Variants in SI observed in about 807,000 individuals in gnomAD.
The protein encoded by SI is sucrase-isomaltase, intestinal.
A neutral mutation model predicts 253.3 loss-of-function variants in SI; 235 were observed. The observed-to-expected ratio is 0.93, with a 90% confidence interval of 0.83 to 1.03. The LOEUF (loss-of-function observed/expected upper bound fraction) is 1.03. SI is among the 50% of genes least tolerant of loss of function. SI has a pLI of 0.00. For missense variants in SI, 2,442 were observed against 2,211.1 expected, an observed-to-expected ratio of 1.10 and a Z score of -2.09; for synonymous variants, 819 against 712.0, an observed-to-expected ratio of 1.15 and a Z score of -2.39.
chr3:165,040,733 T>C (rs1263109231), intron 18 of SI, among the ~76,000 whole-genome samples: 1 of 152,104 alleles, frequency 6.6e-6, no homozygotes, highest in African/African-American at 2.4e-5. Flanking sequence ...TTGTAAGTTC[T>C]ATTTAATTCT....
At chr3:165,000,331 T>C (rs1255543112) in intron 37 of SI, among the ~76,000 whole-genome samples, 5 of 150,294 alleles carry the variant, frequency 3.3e-5, no homozygotes, top group African/African-American at 1.2e-4. Flanking sequence ...CATAAAGTAG[T>C]TTCACACAAT....
intron 44 of SI, 95 bp downstream of exon 44, chr3:164,991,258 C>A (rs988697337): frequency 6.5e-6 from 9 of 1,391,506 alleles, no homozygotes; most frequent in Non-Finnish European, 9.2e-6. Flanking sequence ...ACTAGCTTGG[C>A]GATGGGTTAA....
At chr3:165,027,212 T>C (rs896329486) in intron 25 of SI, among the ~76,000 whole-genome samples, 77 of 151,258 alleles carry the variant, frequency 5.1e-4, no homozygotes, top group Non-Finnish European at 8.9e-4. Flanking sequence ...TTAGATGACC[T>C]AGAAGAGATG....
At chr3:165,080,849 T>G (rs182141557), upstream of SI, among the ~76,000 whole-genome samples, 1 of 152,052 alleles carries the variant, frequency 6.6e-6, no homozygotes, top group Non-Finnish European at 1.5e-5. Flanking sequence ...CATGTATCCA[T>G]ATGTAACAAA....
chr3:165,004,611 TA>T (rs895298186), intron 37 of SI, among the ~76,000 whole-genome samples: 1 of 151,946 alleles, frequency 6.6e-6, no homozygotes, highest in African/African-American at 2.4e-5. Context: ...TATGCAGCTA[TA>T]AAAAAGAATA....
intron 17 of SI, among the ~76,000 whole-genome samples, chr3:165,042,190 T>G (rs1386661040): frequency 6.6e-6 from 1 of 152,144 alleles, no homozygotes; most frequent in East Asian, 1.9e-4. Context: ...ATGTAATTTC[T>G]ATCAAAATCT....
rs1404585595 is a variant in SI at position 165,062,391 on chromosome 3, C to T, written c.1000G>A (p.Val334Ile). The T allele has an allele frequency of 4.4e-6, 7 of 1,578,408 alleles. No individual in the cohort carries two copies. The highest frequency in any genetic ancestry group is 5.2e-6 in the Non-Finnish European group (6 of 1,148,190). The change falls in exon 9 of 48, where the codon GTA becomes ATA. Residue 334 changes from valine (V) to isoleucine (I), a missense_variant. Coordinates refer to ENST00000264382, the MANE Select transcript of SI (RefSeq NM_001041.4). ...YILLGDTPEQ[V>I]VQQYQQLVGL... ...CACACCTGTTGATACTGTTGAACTA[C>T]TTGTTCTGGTGTATCTCCTAGAAGG...
rs200498454 is a variant in SI, at chr3:165,032,666, A to C, written c.2592T>G (p.His864Gln). 1.9e-6 allele frequency: 3 copies of C among 1,605,390 alleles called. No individual in the cohort carries two copies. The highest frequency in any genetic ancestry group is 1.7e-5 in the Admixed American group (1 of 59,548). ...SNNTLDIVCT[H>Q]SSYQEGTTLA... ...AGGTAGTTCCTTCCTGATATGATGA[A>C]TGTGTGCACACAATATCTAATGTGT... is the stretch of plus-strand genomic sequence containing the variant. The change falls in exon 24 of 48, where the codon CAT becomes CAG. Residue 864 changes from histidine to glutamine, a missense_variant. Physicochemically the swap from His to Gln is conservative, Grantham distance 24. Coordinates refer to ENST00000264382, the MANE Select transcript of SI (RefSeq NM_001041.4).
In SI at chr3:165,065,350, CATAAAT is replaced by C; in HGVS notation, c.712_717del (p.Ile238_Tyr239del). 6 of 1,596,202 alleles carry C rather than the reference CATAAAT, an allele frequency of 3.8e-6. No individual in the cohort carries two copies. Among genetic ancestry groups the C allele is most frequent in the Non-Finnish European group, 5.1e-6 (6 of 1,165,718 alleles). On this transcript the variant is annotated inframe_deletion, in exon 7 of 48. Coordinates refer to ENST00000264382, the MANE Select transcript of SI (RefSeq NM_001041.4). The stretch of plus-strand genomic sequence containing the variant: ...CTCTTATGAACTTGTTCTCCAATAC[CATAAAT>C]ATAATCACTTGGAAGACGGGTTGAG...
intron 12 of SI, among the ~76,000 whole-genome samples, chr3:165,056,002 T>C (rs1387851620): frequency 1.3e-5 from 2 of 152,132 alleles, no homozygotes; most frequent in Admixed American, 6.6e-5. Flanking sequence ...TTAAACACTA[T>C]GTGTATTATG....
chr3:165,038,099 C>T (rs1177528336), intron 20 of SI, 75 bp from the exon 21 acceptor site: 23 of 1,343,238 alleles, frequency 1.7e-5, no homozygotes, highest in Middle Eastern at 1.8e-4. Flanking sequence ...AATTAAAAGG[C>T]ATTTTTATTA....
At chr3:164,982,094 A>T in intron 47 of SI, 149 bp downstream of exon 47, 1 of 620,020 alleles carries the variant, frequency 1.6e-6, no homozygotes. Flanking sequence ...GTAATAAGGA[A>T]ATAAATATGG....
chr3:165,048,774 C>T (rs1713270998), intron 15 of SI, among the ~76,000 whole-genome samples: 1 of 151,678 alleles, frequency 6.6e-6, no homozygotes, highest in African/African-American at 2.4e-5. Flanking sequence ...CCTGCCACCT[C>T]GCCCAGCTAG....
At chr3:165,049,554 A>G (rs1444316921) in intron 14 of SI, among the ~76,000 whole-genome samples, 1 of 152,102 alleles carries the variant, frequency 6.6e-6, no homozygotes, top group Non-Finnish European at 1.5e-5. Flanking sequence ...TACCTATACC[A>G]AACTATATTG....
intron 37 of SI, among the ~76,000 whole-genome samples, chr3:165,004,907 C>A (rs78963184): frequency 0.12 from 18,361 of 152,052 alleles, 1,181 homozygotes; most frequent in South Asian, 0.17. Flanking sequence ...AAGGGAGCGA[C>A]CTGGTGGGAG....
chr3:164,989,154 T>C (rs1234276809), intron 44 of SI, among the ~76,000 whole-genome samples: 1 of 149,630 alleles, frequency 6.7e-6, no homozygotes, highest in Non-Finnish European at 1.5e-5. Flanking sequence ...CAGACCAGCC[T>C]GGCCAACATG....
At chr3:164,980,873 G>C (rs1220356182) in intron 47 of SI, among the ~76,000 whole-genome samples, 2 of 151,826 alleles carry the variant, frequency 1.3e-5, no homozygotes, top group Non-Finnish European at 2.9e-5. Flanking sequence ...TTGTAATTTA[G>C]TAAATAAAAG....
Position 165,050,187 on chromosome 3 carries a change from T to C in SI, c.1513-312A>G, listed in dbSNP as rs144521002. Among the ~76,000 whole-genome samples the C allele has an allele frequency of 4.5e-3, 682 of 152,246 alleles. 7 individuals carry two copies. The highest frequency in any genetic ancestry group is 0.016 in the African/African-American group (649 of 41,568). ...TGTTAGTCTTCTCATTATGAGTCCA[T>C]TAATATACACATTCCTTGCATATTC... On this transcript the variant is annotated intron_variant, in intron 13 of 47. Transcript: ENST00000264382.
intron 32 of SI, among the ~76,000 whole-genome samples, chr3:165,015,738 G>T (rs550383921): frequency 6.6e-6 from 1 of 152,048 alleles, no homozygotes; most frequent in Admixed American, 6.6e-5. Flanking sequence ...ACTCAGCTTT[G>T]GTTTTAAATC....
Sources: allele counts gnomAD v4.1 joint callset (sites outside exome capture counted in the v4.1 genomes callset), GRCh38; gene constraint gnomAD v4.1.1; transcripts MANE v1.5; gene names NCBI Gene and HGNC (gene_info 2026-07-23, HGNC 2026-07-21).